AGMO: variants seen among roughly 807,000 people sequenced by gnomAD.
AGMO encodes the protein glyceryl-ether monooxygenase.
Under a neutral mutation model 60.2 loss-of-function variants are expected in AGMO, and 75 were observed. The observed-to-expected ratio is 1.25, with a 90% confidence interval of 1.03 to 1.51. The LOEUF (loss-of-function observed/expected upper bound fraction) is 1.51, where lower values mean the gene tolerates loss of function less well. Ranked by LOEUF, AGMO falls within the 40% of genes most tolerant of loss-of-function variation. The pLI is 0.00. For synonymous variants in AGMO, 261 were observed against 177.1 expected, an observed-to-expected ratio of 1.47 and a Z score of -3.76; for missense variants, 763 against 525.5, an observed-to-expected ratio of 1.45 and a Z score of -4.42.
At chr7:15,466,895 G>A (rs1782308723) in intron 3 of AGMO, among the ~76,000 whole-genome samples, 1 of 152,012 alleles carries the variant, frequency 6.6e-6, no homozygotes, top group South Asian at 2.1e-4. Context: ...GTAAACAATT[G>A]TAGGTAAGGT....
intron 3 of AGMO, among the ~76,000 whole-genome samples, chr7:15,462,604 T>TGG (rs1782171781): frequency 3.3e-5 from 5 of 152,168 alleles, no homozygotes; most frequent in Non-Finnish European, 5.9e-5. Flanking sequence ...GAGCTTTAGA[T>TGG]CTATATCTGC....
chr7:15,317,269 A>T (rs543162574), intron 12 of AGMO, among the ~76,000 whole-genome samples: 3 of 152,180 alleles, frequency 2.0e-5, no homozygotes, highest in Non-Finnish European at 4.4e-5. Flanking sequence ...GATTTGCATT[A>T]TATCTAATGT....
intron 3 of AGMO, among the ~76,000 whole-genome samples, chr7:15,449,133 T>C (rs1446311076): frequency 1.3e-5 from 2 of 152,136 alleles, no homozygotes; most frequent in African/African-American, 2.4e-5. Context: ...AACACCTTCA[T>C]ACAAAAAGGT....
At chr7:15,172,610 T>A in the AGMO span, among the ~76,000 whole-genome samples, 1 of 152,130 alleles carries the variant, frequency 6.6e-6, no homozygotes, top group Non-Finnish European at 1.5e-5. Context: ...TTTTTTTAAT[T>A]GAAGTTCCAG....
At chr7:15,336,402 G>A (rs185635829) in intron 12 of AGMO, among the ~76,000 whole-genome samples, 30 of 151,070 alleles carry the variant, frequency 2.0e-4, no homozygotes, top group Admixed American at 1.5e-3. Flanking sequence ...CTATAAAATC[G>A]GTTGACTCAA....
At chr7:15,536,749 T>C (rs1205569414) in intron 3 of AGMO, among the ~76,000 whole-genome samples, 7 of 152,028 alleles carry the variant, frequency 4.6e-5, no homozygotes, top group Admixed American at 2.0e-4. Flanking sequence ...TCAATAGCTA[T>C]AGAAATAAAT....
chr7:15,387,659 T>C (rs1024789046), intron 8 of AGMO, 119 bp from the exon 9 acceptor site: 71 of 815,308 alleles, frequency 8.7e-5, no homozygotes, highest in Non-Finnish European at 1.1e-4. Context: ...ACGTTATGCC[T>C]GATTAGAGCA....
chr7:15,124,911 A>T, the AGMO span, among the ~76,000 whole-genome samples: 22 of 152,098 alleles, frequency 1.4e-4, no homozygotes, highest in African/African-American at 4.1e-4. Context: ...TGCTAACTAG[A>T]ACATAGTCTA....
intron 3 of AGMO, among the ~76,000 whole-genome samples, chr7:15,444,672 C>T (rs1391683136): frequency 1.3e-5 from 2 of 152,160 alleles, no homozygotes; most frequent in Non-Finnish European, 2.9e-5. Flanking sequence ...TCTCATCTAA[C>T]TTTAAAAGAT....
intron 3 of AGMO, among the ~76,000 whole-genome samples, chr7:15,477,205 A>T (rs1782618451): frequency 1.3e-5 from 2 of 152,114 alleles, no homozygotes; most frequent in African/African-American, 4.8e-5. Context: ...AGTTAAAGGT[A>T]TGAATGAAAC....
chr7:15,546,570 C>A (rs550885552), intron 2 of AGMO, among the ~76,000 whole-genome samples: 14 of 152,316 alleles, frequency 9.2e-5, no homozygotes, highest in South Asian at 4.1e-4. Context: ...GACAGAGTGG[C>A]CAAGGGTGGC....
At chr7:15,211,559 G>A (rs1031512069) in intron 12 of AGMO, among the ~76,000 whole-genome samples, 1 of 149,980 alleles carries the variant, frequency 6.7e-6, no homozygotes, top group African/African-American at 2.4e-5. Flanking sequence ...GGTGTTCCAT[G>A]TTTTTTTTTG....
the AGMO span, among the ~76,000 whole-genome samples, chr7:15,181,886 A>T: frequency 6.6e-6 from 1 of 152,164 alleles, no homozygotes; most frequent in African/African-American, 2.4e-5. Flanking sequence ...GTAATCTATT[A>T]TTATATATGA....
chr7:15,421,109 G>A (rs1193049684), intron 4 of AGMO, among the ~76,000 whole-genome samples: 7 of 152,124 alleles, frequency 4.6e-5, no homozygotes. Flanking sequence ...GCATTTAGGG[G>A]AAGCTAAACA....
chr7:15,237,484 G>C (rs551554448), intron 12 of AGMO, among the ~76,000 whole-genome samples: 210 of 151,838 alleles, frequency 1.4e-3, no homozygotes, highest in Admixed American at 2.9e-3. Flanking sequence ...GACCTAGAGA[G>C]TGTTTTTTTT....
intron 12 of AGMO, among the ~76,000 whole-genome samples, chr7:15,325,795 C>T (rs943204406): frequency 1.3e-5 from 2 of 152,050 alleles, no homozygotes; most frequent in African/African-American, 4.8e-5. Flanking sequence ...TTAGGATTAT[C>T]TTAATAGGAA....
intron 12 of AGMO, among the ~76,000 whole-genome samples, chr7:15,302,317 T>A (rs1780469142): frequency 1.3e-5 from 2 of 152,166 alleles, no homozygotes; most frequent in Non-Finnish European, 2.9e-5. Flanking sequence ...TTTACAGAAT[T>A]CTTCTTCTAA....
At chr7:15,385,342 C>T in intron 10 of AGMO, 104 bp downstream of exon 10, 1 of 736,666 alleles carries the variant, frequency 1.4e-6, no homozygotes, top group Non-Finnish European at 2.3e-6. Flanking sequence ...TACAGCAGAC[C>T]ACTACAGAGA....
intron 5 of AGMO, among the ~76,000 whole-genome samples, chr7:15,408,996 A>T (rs1261088656): frequency 1.3e-5 from 2 of 151,788 alleles, no homozygotes; most frequent in Non-Finnish European, 2.9e-5. Flanking sequence ...AAAATTGGGT[A>T]TTAGATGAAT....
Sources: gnomAD v4.1 joint callset for allele counts (sites outside exome capture counted in the v4.1 genomes callset) on GRCh38, gnomAD v4.1.1 for gene constraint, MANE v1.5 for transcripts, NCBI Gene and HGNC (gene_info 2026-07-23, HGNC 2026-07-21) for gene names.